Variants in PC observed in about 807,000 individuals in gnomAD.
PC encodes the protein pyruvate carboxylase, also known as pyruvate carboxylase, mitochondrial.
A neutral mutation model predicts 107.8 loss-of-function variants in PC; 46 were observed. The ratio of observed to expected loss-of-function variants is 0.43; its 90% confidence interval spans 0.34 to 0.55. The LOEUF is 0.55. Ranked by LOEUF, PC falls within the 20% of genes least tolerant of loss-of-function variation. The pLI is 0.04. For synonymous variants in PC, 662 were observed against 684.7 expected (o/e 0.97, Z 0.52); for missense variants, 1,241 against 1,643.1 (o/e 0.76, Z 4.23).
chr11:66,860,772 C>G (rs1295430860), intron 12 of PC: 4 of 696,604 alleles, frequency 5.7e-6, no homozygotes, highest in Non-Finnish European at 1.0e-5. Context: ...CAGTGTAAAG[C>G]CTGGGGAGCA....
chr11:66,860,151 G>C (rs890285871), intron 12 of PC: 4 of 1,549,146 alleles, frequency 2.6e-6, no homozygotes, highest in South Asian at 2.4e-5. Flanking sequence ...AGGGTGCCGG[G>C]GGGTAGGAGG....
At chr11:66,937,242 T>G (rs1458416855) in intron 3 of PC, among the ~76,000 whole-genome samples, 1 of 152,176 alleles carries the variant, frequency 6.6e-6, no homozygotes, top group Non-Finnish European at 1.5e-5. Flanking sequence ...CAGGACCATC[T>G]AAGACTCAAA....
intron 3 of PC, among the ~76,000 whole-genome samples, chr11:66,894,375 G>A (rs761616535): frequency 2.0e-4 from 31 of 152,178 alleles, no homozygotes; most frequent in East Asian, 1.9e-4. Flanking sequence ...CACCCTTCCC[G>A]TCCCAGCTTT....
rs763282432 is a variant in PC at position 66,852,617 on chromosome 11, C to G, written c.1647G>C (p.Gly549=). 6.2e-7 allele frequency: 1 copy of G among 1,613,948 alleles called. No homozygotes were observed. The highest frequency in any genetic ancestry group is 8.5e-7 in the Non-Finnish European group (1 of 1,179,922). ...AGFRDILLRE[G]PEGFARAVRN... Reference sequence around the variant, plus strand: ...GCACAGCTCGAGCAAAGCCCTCAGGCCCCTCTCGCAGCAGGATGTCTCTGA... The same window carrying G: ...GCACAGCTCGAGCAAAGCCCTCAGGGCCCTCTCGCAGCAGGATGTCTCTGA... Residue 549 remains glycine, a synonymous_variant, in exon 15 of 23, where the codon GGG becomes GGC. Coordinates refer to ENST00000393960, the MANE Select transcript of PC (RefSeq NM_001040716.2). This position sits in a 1 kb window ranked among gnomAD's most constrained non-coding sequence, Gnocchi z 4.7.
At chr11:66,915,388 T>C (rs979800768) in intron 3 of PC, among the ~76,000 whole-genome samples, 2 of 152,160 alleles carry the variant, frequency 1.3e-5, no homozygotes, top group African/African-American at 2.4e-5. Flanking sequence ...ACAGCTATAA[T>C]TGAACAGGGA....
At chr11:66,883,092 C>T (rs1024631200) in intron 3 of PC, among the ~76,000 whole-genome samples, 8 of 152,196 alleles carry the variant, frequency 5.3e-5, no homozygotes, top group South Asian at 2.1e-4. Context: ...GGCACTGCGG[C>T]GACGAACAGC....
chr11:66,907,119 C>A (rs1948189913), intron 3 of PC, among the ~76,000 whole-genome samples: 1 of 152,210 alleles, frequency 6.6e-6, no homozygotes, highest in South Asian at 2.1e-4. Context: ...GGCAGCCATG[C>A]CATTTACACA....
At chr11:66,861,031 C>A (rs1946227231) in intron 12 of PC, among the ~76,000 whole-genome samples, 1 of 152,240 alleles carries the variant, frequency 6.6e-6, no homozygotes, top group South Asian at 2.1e-4. Flanking sequence ...GCTCTGCCAT[C>A]AGCCCGTGAT....
chr11:66,871,555 TA>T lies in PC; in HGVS notation c.322-76del. On this transcript the variant is annotated intron_variant, in intron 5 of 22. Coordinates refer to ENST00000393960, the MANE Select transcript of PC (RefSeq NM_001040716.2). The surrounding 1 kb of genome is among the most constrained non-coding windows in gnomAD (Gnocchi z 7.4). ...GCCTCGGCCAGCCTCTTCCCCTGCC[TA>T]ACCTGCTGAGCTGCATCCGTTTACC... 1.9e-6 allele frequency: 3 copies of T among 1,598,272 alleles called. No homozygotes were observed. The Admixed American group carries it at 5.0e-5, about 27-fold the overall frequency.
In PC at chr11:66,857,938, C is replaced by T; in HGVS notation, c.1369-4555G>A. On this transcript the variant is annotated intron_variant, in intron 12 of 22. Transcript: ENST00000393960. The surrounding 1 kb of genome is among the most constrained non-coding windows in gnomAD (Gnocchi z 7.1). ...GACAACTTCATCCAGGCCCTGGGGC[C>T]CCCTGACTTCCGCAACATGACGGGA... 6.2e-7 allele frequency: 1 copy of T among 1,612,508 alleles called. No individual in the cohort carries two copies. The highest frequency in any genetic ancestry group is 1.1e-5 in the South Asian group (1 of 91,082).
intron 3 of PC, among the ~76,000 whole-genome samples, chr11:66,889,196 G>C (rs1947477380): frequency 1.3e-5 from 2 of 152,066 alleles, no homozygotes; most frequent in Non-Finnish European, 2.9e-5. Context: ...GAGATGGGGA[G>C]GGCAGTAAAA....
At chr11:66,854,340 G>A (rs536376508) in intron 12 of PC, among the ~76,000 whole-genome samples, 2 of 152,318 alleles carry the variant, frequency 1.3e-5, no homozygotes, top group Admixed American at 1.3e-4. Flanking sequence ...CGGCAGAGCT[G>A]ACACTCACCT....
chr11:66,898,743 G>A (rs4500496), intron 3 of PC, among the ~76,000 whole-genome samples: 9,685 of 152,162 alleles, frequency 0.064, 329 homozygotes, highest in African/African-American at 0.076. Context: ...TGCATCTACC[G>A]CCATAATCCG....
chr11:66,874,029 G>A (rs750902178), intron 3 of PC, among the ~76,000 whole-genome samples: 5 of 150,990 alleles, frequency 3.3e-5, no homozygotes, highest in Middle Eastern at 3.4e-3. Flanking sequence ...GTGCGATCTC[G>A]GCTCACTGCA....
rs148228031 is a variant in PC at position 66,889,598 on chromosome 11, T to C, written c.1-17439A>G. ...TATGTTGGCCAGGCTGGTCTCCAACTCCTGACCTCAAGTGATCCGCCTGCC... is the reference window on the plus strand; with the variant it reads ...TATGTTGGCCAGGCTGGTCTCCAACCCCTGACCTCAAGTGATCCGCCTGCC... On this transcript the variant is annotated intron_variant, in intron 3 of 22. Transcript: ENST00000393960. Among the ~76,000 whole-genome samples, 19 of 152,246 alleles carry C rather than the reference T, an allele frequency of 1.2e-4. No homozygotes were observed. In the East Asian group the frequency reaches 3.7e-3, roughly 29 times the overall value.
chr11:66,874,388 G>A (rs868249124), intron 3 of PC, among the ~76,000 whole-genome samples: 1 of 152,172 alleles, frequency 6.6e-6, no homozygotes, highest in East Asian at 1.9e-4. Flanking sequence ...ACACCCGGCC[G>A]ATCTGATTCA....
intron 3 of PC, among the ~76,000 whole-genome samples, chr11:66,933,361 A>G (rs1202477201): frequency 2.6e-5 from 4 of 152,224 alleles, no homozygotes; most frequent in South Asian, 2.1e-4. Flanking sequence ...TCTGGGTAAC[A>G]TTTTCTCCGG....
intron 3 of PC, among the ~76,000 whole-genome samples, chr11:66,878,304 A>C (rs1947057060): frequency 6.6e-6 from 1 of 152,140 alleles, no homozygotes; most frequent in East Asian, 1.9e-4. Context: ...CCACAGGGGC[A>C]CTTACCCGTG....
At position 66,868,597 on chromosome 11, in the gene PC, C is replaced by T. The variant is rs552539091; in HGVS notation, c.1022+249G>A. Among the ~76,000 whole-genome samples, 13 of 152,306 alleles carry T rather than the reference C, an allele frequency of 8.5e-5. 1 individual carries two copies. In the South Asian group the frequency reaches 2.5e-3, roughly 29 times the overall value. ...ATGGGAGCACCTGGGCCTGAGCAAT[C>T]GGCAGCGTCCTGACAGAGAGGAGGG... On this transcript the variant is annotated intron_variant, in intron 10 of 22. Transcript: ENST00000393960.
Sources: gnomAD v4.1 joint callset for allele counts (sites outside exome capture counted in the v4.1 genomes callset) on GRCh38, gnomAD v4.1.1 for gene constraint, Gnocchi (gnomAD v3.1) non-coding constraint, MANE v1.5 for transcripts, NCBI Gene and HGNC (gene_info 2026-07-23, HGNC 2026-07-21) for gene names.